Variants in COL26A1 observed in about 807,000 individuals in gnomAD.
COL26A1 encodes the protein collagen alpha-1(XXVI) chain.
In COL26A1, 41 loss-of-function variants were observed where a neutral mutation model predicts 59.3. The ratio of observed to expected loss-of-function variants is 0.69; its 90% CI spans 0.54 to 0.90. The LOEUF (loss-of-function observed/expected upper bound fraction) is 0.90, where lower values mean the gene tolerates loss of function less well. COL26A1 is among the 40% of genes least tolerant of loss of function. The pLI, the probability that COL26A1 is intolerant of heterozygous loss-of-function variation, is 0.00. For missense variants in COL26A1, 612 were observed against 602.3 expected, an observed-to-expected ratio of 1.02 and a Z score of -0.17; for synonymous variants, 266 against 256.0, an observed-to-expected ratio of 1.04 and a Z score of -0.37.
At chr7:101,527,312 CTTTTTCT>C (rs1056488314) in intron 3 of COL26A1, among the ~76,000 whole-genome samples, 2 of 151,908 alleles carry the variant, frequency 1.3e-5, no homozygotes, top group South Asian at 2.1e-4. Flanking sequence ...TTTCTCTTTT[CTTTTTCT>C]TTTTTCTTTT....
chr7:101,422,732 TG>T (rs1792553450), intron 2 of COL26A1, among the ~76,000 whole-genome samples: 1 of 152,104 alleles, frequency 6.6e-6, no homozygotes. Flanking sequence ...AGCTTCCAAT[TG>T]CTGGGCTGAA....
intron 8 of COL26A1, among the ~76,000 whole-genome samples, chr7:101,547,554 G>C (rs1328240806): frequency 1.3e-5 from 2 of 152,218 alleles, no homozygotes; most frequent in Non-Finnish European, 2.9e-5. Context: ...GAGGTGGCAG[G>C]AAGTCCCTAC....
chr7:101,436,327 C>G (rs995730473), intron 2 of COL26A1, among the ~76,000 whole-genome samples: 1 of 152,288 alleles, frequency 6.6e-6, no homozygotes, highest in South Asian at 2.1e-4. Flanking sequence ...TTAATAATCC[C>G]CTGCCTCCCG....
At position 101,440,838 on chromosome 7, in the gene COL26A1, A is replaced by G. The variant is rs148000914; in HGVS notation, c.282-6846A>G. On this transcript the variant is annotated intron_variant, in intron 2 of 12. Coordinates refer to ENST00000313669, the MANE Select transcript of COL26A1 (RefSeq NM_001278563.3). Reference sequence around the variant, plus strand: ...AAAATTAGCTAAAATTAGGTTAAAAATACAAAATTACTCCTGTAATTGCAG... The same window carrying G: ...AAAATTAGCTAAAATTAGGTTAAAAGTACAAAATTACTCCTGTAATTGCAG... 2.7e-3 allele frequency among the ~76,000 whole-genome samples: 413 copies of G among 152,110 alleles called. 1 individual carries two copies. Among genetic ancestry groups the G allele is most frequent in the African/African-American group, 9.5e-3 (396 of 41,534 alleles).
At chr7:101,451,193 A>T (rs1275869339) in intron 3 of COL26A1, among the ~76,000 whole-genome samples, 1 of 143,460 alleles carries the variant, frequency 7.0e-6, no homozygotes, top group African/African-American at 2.5e-5. Context: ...TCAATAATTA[A>T]TATAATCTCA....
At chr7:101,489,740 T>C (rs1401727889) in intron 3 of COL26A1, among the ~76,000 whole-genome samples, 2 of 89,260 alleles carry the variant, frequency 2.2e-5, no homozygotes, top group African/African-American at 7.7e-5. Flanking sequence ...TCTCTTTCTC[T>C]CTTTCTTTCT....
At chr7:101,471,447 A>G (rs1793895842) in intron 3 of COL26A1, among the ~76,000 whole-genome samples, 1 of 152,164 alleles carries the variant, frequency 6.6e-6, no homozygotes. Context: ...TGTATTAGAG[A>G]CTACTCAATT....
At chr7:101,492,105 G>C (rs1794473104) in intron 3 of COL26A1, among the ~76,000 whole-genome samples, 1 of 152,168 alleles carries the variant, frequency 6.6e-6, no homozygotes, top group African/African-American at 2.4e-5. Flanking sequence ...GCCAGAGGAA[G>C]CCGCTGGTAA....
intron 1 of COL26A1, among the ~76,000 whole-genome samples, chr7:101,399,130 C>A (rs1036006306): frequency 2.6e-5 from 4 of 151,252 alleles, no homozygotes; most frequent in African/African-American, 9.7e-5. Context: ...TATAGTGAGA[C>A]CCCCATCTCT....
At position 101,520,482 on chromosome 7, in the gene COL26A1, G is replaced by A. The variant is rs115462792; in HGVS notation, c.386-12600G>A. 7.3e-3 allele frequency among the ~76,000 whole-genome samples: 1,118 copies of A among 152,192 alleles called. 10 individuals are homozygous for A. Among genetic ancestry groups the A allele is most frequent in the African/African-American group, 0.025 (1,036 of 41,500 alleles). ...GGAGAATTGCTTGCGGCCAGGAGAC[G>A]CGACCACCCTGGGCAACATACTGAG... On this transcript the variant is annotated intron_variant, in intron 3 of 12. Transcript: ENST00000313669.
In COL26A1 at chr7:101,385,250, T is replaced by TATATATAC. The variant is rs1554403690; in HGVS notation, c.158+22061_158+22062insTATATACA. Among the ~76,000 whole-genome samples the TATATATAC allele has an allele frequency of 3.4e-5, 5 of 147,760 alleles. No individual in the cohort carries two copies. In the Admixed American group the frequency reaches 3.4e-4, roughly 10 times the overall value. On this transcript the variant is annotated intron_variant, in intron 1 of 12. Transcript: ENST00000313669. ...CACACACTATATATATATATATATATACACACACACACATATATATGTGTA... is the reference window on the plus strand; with the variant it reads ...CACACACTATATATATATATATATATATATATACACACACACACACATATATATGTGTA...
intron 1 of COL26A1, among the ~76,000 whole-genome samples, chr7:101,387,407 T>A (rs1791603458): frequency 6.6e-6 from 1 of 151,622 alleles, no homozygotes; most frequent in Non-Finnish European, 1.5e-5. Flanking sequence ...TCCCCCTTGA[T>A]TATATTTATT....
At chr7:101,445,743 A>G (rs1294082887) in intron 2 of COL26A1, among the ~76,000 whole-genome samples, 1 of 140,570 alleles carries the variant, frequency 7.1e-6, no homozygotes, top group African/African-American at 2.7e-5. Context: ...AAAAAAAAAA[A>G]AAAAAAAAAA....
chr7:101,497,278 T>C (rs1794609969), intron 3 of COL26A1, among the ~76,000 whole-genome samples: 1 of 151,828 alleles, frequency 6.6e-6, no homozygotes, highest in Non-Finnish European at 1.5e-5. Flanking sequence ...ACATGACATG[T>C]GACCCAGGGA....
At chr7:101,396,829 A>G (rs1188807013) in intron 1 of COL26A1, among the ~76,000 whole-genome samples, 1 of 152,150 alleles carries the variant, frequency 6.6e-6, no homozygotes, top group Non-Finnish European at 1.5e-5. Context: ...CAAGGGTTTG[A>G]TGTCAGAGAC....
chr7:101,458,733 C>T (rs11770719), intron 3 of COL26A1, among the ~76,000 whole-genome samples: 24,028 of 151,158 alleles, frequency 0.16, 2,108 homozygotes, highest in African/African-American at 0.21. Flanking sequence ...CAGAAACAGG[C>T]GCAGAGGAAA....
At chr7:101,418,467 T>C (rs1792430927) in intron 1 of COL26A1, among the ~76,000 whole-genome samples, 1 of 151,958 alleles carries the variant, frequency 6.6e-6, no homozygotes, top group African/African-American at 2.4e-5. Context: ...TTTTTTCTTA[T>C]TTTATTTTAT....
intron 1 of COL26A1, among the ~76,000 whole-genome samples, chr7:101,377,379 G>C (rs1333993243): frequency 1.3e-5 from 2 of 152,120 alleles, no homozygotes; most frequent in East Asian, 1.9e-4. Context: ...CCTAAGGTTG[G>C]GGGGAAAGGG....
chr7:101,548,421 A>G (rs573607886), intron 8 of COL26A1, among the ~76,000 whole-genome samples: 12 of 152,296 alleles, frequency 7.9e-5, no homozygotes, highest in Non-Finnish European at 1.3e-4. Context: ...TGGGTACTCC[A>G]CATCCCATGG....
Sources: gnomAD v4.1 joint callset for allele counts (sites outside exome capture counted in the v4.1 genomes callset) on GRCh38, gnomAD v4.1.1 for gene constraint, MANE v1.5 for transcripts, NCBI Gene and HGNC (gene_info 2026-07-23, HGNC 2026-07-21) for gene names.